Variants in ZMYM6 observed in about 807,000 individuals in gnomAD.
ZMYM6 encodes zinc finger MYM-type protein 6.
Under a neutral mutation model 134.0 loss-of-function variants are expected in ZMYM6, and 90 were observed. That is an observed-to-expected ratio of 0.67 (90% CI 0.57 to 0.80). ZMYM6 has a LOEUF of 0.80. ZMYM6 is among the 30% of genes least tolerant of loss of function. ZMYM6 has a pLI of 0.00. For missense variants in ZMYM6, 1,362 were observed against 1,533.9 expected, an observed-to-expected ratio of 0.89 and a Z score of 1.87; for synonymous variants, 481 against 524.1, an observed-to-expected ratio of 0.92 and a Z score of 1.12.
rs145913792 is a variant in ZMYM6 at position 35,008,651 on chromosome 1, G to A, written c.1665+101C>T. ...TAGCCCATAACTTATTTTATCCAGT[G>A]CTAAACACCAAATTTTTCTTCACAT... On this transcript the variant is annotated intron_variant, in intron 11 of 15. Coordinates refer to ENST00000357182, the MANE Select transcript of ZMYM6 (RefSeq NM_007167.4). 8.1e-5 allele frequency: 108 copies of A among 1,327,718 alleles called. No individual in the cohort carries two copies. The African/African-American group carries it at 1.3e-3, about 15-fold the overall frequency. 82.2% of individuals were successfully genotyped at this position (1,327,718 alleles called of 1,614,324 possible). A position where few individuals can be genotyped will look rare whatever the true frequency, so the allele number is the denominator to read the frequency against.
At chr1:35,008,378 C>T (rs1217265662) in intron 11 of ZMYM6, among the ~76,000 whole-genome samples, 2 of 152,168 alleles carry the variant, frequency 1.3e-5, no homozygotes, top group East Asian at 3.9e-4. Context: ...TGGTTGCCAG[C>T]TATTGTCCTT....
intron 15 of ZMYM6, chr1:34,991,971 AT>A: frequency 4.5e-6 from 2 of 446,080 alleles, no homozygotes; most frequent in Non-Finnish European, 8.2e-6. Flanking sequence ...AATTCGCAGT[AT>A]TTAAAAAAAA....
rs756728155 is a variant in ZMYM6, at chr1:35,014,903, C to T, written c.604-15G>A. On this transcript the variant is annotated splice_polypyrimidine_tract_variant and intron_variant, in intron 5 of 15. Transcript: ENST00000357182. The stretch of plus-strand genomic sequence containing the variant: ...TCAAATCGAGTCTAGGAAATAAACA[C>T]ACACATACACACACAAAATAAGCAG... The T allele has an allele frequency of 1.2e-5, 19 of 1,610,464 alleles. No individual in the cohort carries two copies. In the East Asian group the frequency reaches 1.3e-4, roughly 11 times the overall value.
intron 2 of ZMYM6, among the ~76,000 whole-genome samples, chr1:35,027,173 T>C (rs1159776972): frequency 1.3e-5 from 2 of 152,200 alleles, no homozygotes; most frequent in African/African-American, 2.4e-5. Flanking sequence ...TTTTAGAAGA[T>C]AGTTTTGAGT....
At chr1:35,005,650 AAGAC>A (rs1459875050) in intron 12 of ZMYM6, among the ~76,000 whole-genome samples, 4 of 151,374 alleles carry the variant, frequency 2.6e-5, no homozygotes, top group Non-Finnish European at 5.9e-5. Context: ...AAAAAAAAAA[AAGAC>A]AGGTATTAGC....
intron 13 of ZMYM6, among the ~76,000 whole-genome samples, chr1:35,004,851 A>G (rs1640937611): frequency 6.6e-6 from 1 of 152,054 alleles, no homozygotes; most frequent in Admixed American, 6.6e-5. Context: ...TGAGGTCAGG[A>G]GTTTGAGATC....
intron 7 of ZMYM6, 29 bp from the exon 8 acceptor site, chr1:35,012,034 T>C: frequency 7.1e-7 from 1 of 1,414,606 alleles, no homozygotes; most frequent in Non-Finnish European, 9.9e-7. Flanking sequence ...AAAACAATGA[T>C]TAAGTTATAC....
At chr1:35,002,571 C>T (rs1411252924) in intron 14 of ZMYM6, among the ~76,000 whole-genome samples, 1 of 152,066 alleles carries the variant, frequency 6.6e-6, no homozygotes, top group East Asian at 1.9e-4. Context: ...CCATTTATTC[C>T]ATTATCATTG....
At position 35,030,330 on chromosome 1, in the gene ZMYM6, G is replaced by C. The variant is rs1641497791; in HGVS notation, c.93+217C>G. 4 of 522,736 alleles carry C rather than the reference G, an allele frequency of 7.7e-6. No homozygotes were observed. The South Asian group carries it at 1.1e-4, about 14-fold the overall frequency. 32.4% of individuals were successfully genotyped at this position (522,736 alleles called of 1,614,324 possible). ...CCCTGTGGTCCCAGCTACACAGGAG[G>C]CTGAGGTGGGAAGATCACTTGAGCC... On this transcript the variant is annotated intron_variant, in intron 2 of 15. Transcript: ENST00000357182.
In ZMYM6 at chr1:35,019,256, T is replaced by A. The variant is rs1370391309; in HGVS notation, c.428+97A>T. ...CTAAAAAGTTATTTCTACAGATACATGCTGAAGAGATTTAAAGTATCAACA... is the reference window on the plus strand; with the variant it reads ...CTAAAAAGTTATTTCTACAGATACAAGCTGAAGAGATTTAAAGTATCAACA... On this transcript the variant is annotated intron_variant, in intron 4 of 15. Coordinates refer to ENST00000357182, the MANE Select transcript of ZMYM6 (RefSeq NM_007167.4). 3.2e-6 allele frequency: 5 copies of A among 1,542,210 alleles called. No individual in the cohort carries two copies. The Admixed American group carries it at 7.2e-5, about 22-fold the overall frequency.
chr1:35,012,167 G>C (rs938012800), intron 7 of ZMYM6, among the ~76,000 whole-genome samples, 162 bp from the exon 8 acceptor site: 7 of 152,088 alleles, frequency 4.6e-5, no homozygotes, highest in Admixed American at 6.6e-5. Context: ...CCTCTATTAA[G>C]TCCCACTTAC....
chr1:35,012,007 T>A lies in ZMYM6; in HGVS notation c.947-2A>T. On this transcript the variant is annotated splice_acceptor_variant, in intron 7 of 15. Coordinates refer to ENST00000357182, the MANE Select transcript of ZMYM6 (RefSeq NM_007167.4). LOFTEE classifies it high-confidence loss of function. ...AACTATGACATGAAACCTGGACACC[T>A]TGGTGACAAAAAATTAAAAACAATG... The A allele has an allele frequency of 6.3e-7, 1 of 1,577,864 alleles. No individual in the cohort carries two copies. Among genetic ancestry groups the A allele is most frequent in the Non-Finnish European group, 8.6e-7 (1 of 1,157,472 alleles).
At chr1:35,007,732 G>A (rs1024551409) in intron 11 of ZMYM6, among the ~76,000 whole-genome samples, 4 of 152,008 alleles carry the variant, frequency 2.6e-5, no homozygotes, top group African/African-American at 4.8e-5. Flanking sequence ...TTGAACCCAG[G>A]AGGCAGAGGC....
intron 1 of ZMYM6, among the ~76,000 whole-genome samples, chr1:35,031,110 G>C (rs1278804234): frequency 6.6e-6 from 1 of 152,180 alleles, no homozygotes; most frequent in Non-Finnish European, 1.5e-5. Context: ...TTCTCAAAGA[G>C]GGGCACAACA....
chr1:35,031,234 C>T (rs1641517889), intron 1 of ZMYM6: 1 of 152,274 alleles, frequency 6.6e-6, no homozygotes, highest in African/African-American at 2.4e-5. Context: ...AGGCGAACAA[C>T]AGGAACGCCC....
rs778000311 is a variant in ZMYM6, at chr1:34,987,557, TG to T, written c.3524del (p.Ser1175TyrfsTer4). On this transcript the variant is annotated frameshift_variant, in exon 16 of 16. Transcript: ENST00000357182. LOFTEE classifies it high-confidence loss of function. ...MFPSFSEFSN[S>X]SGLNMTDITR... The stretch of plus-strand genomic sequence containing the variant: ...TGATGTCTGTCATATTTAAGCCTGA[TG>T]AATTTGAGAATTCAGAAAATGAAGG... The T allele has an allele frequency of 6.2e-7, 1 of 1,613,990 alleles. No individual in the cohort carries two copies. The highest frequency in any genetic ancestry group is 1.1e-5 in the South Asian group (1 of 91,006).
intron 14 of ZMYM6, among the ~76,000 whole-genome samples, chr1:35,000,024 C>A (rs922851265): frequency 6.6e-6 from 1 of 152,012 alleles, no homozygotes; most frequent in Non-Finnish European, 1.5e-5. Context: ...GACCTACCTT[C>A]TAGGCTCAAG....
chr1:35,014,857 A>G lies in ZMYM6; in HGVS notation c.635T>C (p.Val212Ala). The G allele has an allele frequency of 3.7e-6, 6 of 1,614,230 alleles. No individual in the cohort carries two copies. The highest frequency in any genetic ancestry group is 4.2e-6 in the Non-Finnish European group (5 of 1,180,038). Residue 212 changes from valine (V) to alanine (A), a missense_variant, in exon 6 of 16, where the codon GTA becomes GCA. Around this residue, in one of 3 missense-constraint regions of ZMYM6, gnomAD observed 503 missense variants for 520.8 expected, o/e 0.97. Transcript: ENST00000357182. ...ACAGGCATCACTACAAAGACCATGT[A>G]CCACATTTTGATATTTAACTTCAAA... is the stretch of plus-strand genomic sequence containing the variant. ...TRFEVKYQNV[V>A]HGLCSDACFS... is the part of the protein sequence containing the mutation.
chr1:35,014,966 A>C, intron 5 of ZMYM6, 22 bp downstream of exon 5: 7 of 1,610,368 alleles, frequency 4.3e-6, no homozygotes, highest in Non-Finnish European at 5.9e-6. Context: ...CAGAATCCCA[A>C]TAAAAGTAAA....
Sources: gnomAD v4.1 joint callset for allele counts (sites outside exome capture counted in the v4.1 genomes callset) on GRCh38, gnomAD v4.1.1 for gene constraint, gnomAD v4.1.1 regional missense constraint, MANE v1.5 for transcripts, NCBI Gene and HGNC (gene_info 2026-07-23, HGNC 2026-07-21) for gene names.